SLC19A1: variants seen among roughly 807,000 people sequenced by gnomAD.
SLC19A1 encodes solute carrier family 19 member 1.
In SLC19A1, 37 loss-of-function variants were observed where a neutral mutation model predicts 35.3. That is an observed-to-expected ratio of 1.05 (90% CI 0.81 to 1.38). The LOEUF (loss-of-function observed/expected upper bound fraction) is 1.38, where lower values mean the gene tolerates loss of function less well. Among genes scored for constraint, SLC19A1 ranks in the 40% most tolerant of loss-of-function variants. The pLI, the probability that SLC19A1 is intolerant of heterozygous loss-of-function variation, is 0.00. For missense variants in SLC19A1, 831 were observed against 826.9 expected (o/e 1.00, Z -0.06); for synonymous variants, 460 against 398.5 (o/e 1.15, Z -1.84).
chr21:45,509,216 A>C, downstream of SLC19A1: 1 of 1,157,168 alleles, frequency 8.6e-7, no homozygotes, highest in Non-Finnish European at 1.2e-6. Context: ...CCCCCAGGGC[A>C]GCCCCAGAGT....
intron 1 of SLC19A1, among the ~76,000 whole-genome samples, chr21:45,562,394 C>T (rs1279211648): frequency 6.6e-6 from 1 of 152,176 alleles, no homozygotes; most frequent in Non-Finnish European, 1.5e-5. Context: ...TTCAAAAGGC[C>T]AGTTCTGAAA....
downstream of SLC19A1, chr21:45,509,252 G>A (rs557060515): frequency 4.1e-6 from 6 of 1,474,208 alleles, no homozygotes; most frequent in African/African-American, 7.0e-5. Context: ...CTGCTTGCCA[G>A]TTCAGAGCCC....
At chr21:45,553,181 T>C (rs1225818118) in intron 1 of SLC19A1, among the ~76,000 whole-genome samples, 1 of 152,118 alleles carries the variant, frequency 6.6e-6, no homozygotes, top group Non-Finnish European at 1.5e-5. Context: ...AAGCAGAGGC[T>C]GGGGCTGGGT....
chr21:45,519,402 C>T (rs372622585), intron 5 of SLC19A1, among the ~76,000 whole-genome samples: 11 of 151,914 alleles, frequency 7.2e-5, no homozygotes, highest in Non-Finnish European at 8.8e-5. Flanking sequence ...TTAGCAAAGT[C>T]GATTTAAAAA....
At chr21:45,528,452 G>A (rs1046054769) in intron 4 of SLC19A1, among the ~76,000 whole-genome samples, 1 of 152,098 alleles carries the variant, frequency 6.6e-6, no homozygotes, top group Non-Finnish European at 1.5e-5. Context: ...CAGGCCGGCC[G>A]GCCTCACTCT....
downstream of SLC19A1, among the ~76,000 whole-genome samples, chr21:45,509,108 G>C (rs773193507): frequency 1.3e-5 from 2 of 152,120 alleles, no homozygotes; most frequent in African/African-American, 4.8e-5. Context: ...TGATTGCTGC[G>C]GCTTCTGAGC....
rs1265729062 is a variant in SLC19A1 at position 45,531,934 on chromosome 21, G to A, written c.404C>T (p.Ala135Val). The A allele has an allele frequency of 1.2e-6, 2 of 1,600,710 alleles. No homozygotes were observed. The highest frequency in any genetic ancestry group is 1.3e-5 in the African/African-American group (1 of 74,740). Residue 135 changes from alanine (A) to valine (V), a missense_variant, in exon 3 of 6, where the codon GCC (alanine) becomes GTC (valine). Ala to Val is a moderately conservative substitution (Grantham distance 64). Coordinates refer to ENST00000311124, the MANE Select transcript of SLC19A1 (RefSeq NM_194255.4). The part of the protein sequence containing the change: ...FYSVTMAARI[A>V]YSSYIFSLVR... ...GAGAGAGAAGATGTAGGAGGAATAGGCGATGCGCGCGGCCATGGTGACGCT... is the reference window on the plus strand; with the variant it reads ...GAGAGAGAAGATGTAGGAGGAATAGACGATGCGCGCGGCCATGGTGACGCT...
At chr21:45,523,443 C>CACCAGG (rs1045415845) in intron 5 of SLC19A1, among the ~76,000 whole-genome samples, 4 of 152,224 alleles carry the variant, frequency 2.6e-5, no homozygotes, top group South Asian at 2.1e-4. Flanking sequence ...TCCACGGCCA[C>CACCAGG]ACCAGGACCA....
At chr21:45,527,814 G>A (rs1037909639) in intron 4 of SLC19A1, among the ~76,000 whole-genome samples, 7 of 151,824 alleles carry the variant, frequency 4.6e-5, no homozygotes, top group African/African-American at 1.7e-4. Flanking sequence ...GGTGAGCGGT[G>A]GCATGAACAT....
At chr21:45,549,728 T>G (rs1415992801) in intron 1 of SLC19A1, among the ~76,000 whole-genome samples, 6 of 31,238 alleles carry the variant, frequency 1.9e-4, no homozygotes, top group East Asian at 1.3e-3. Context: ...GGGGGATAGG[T>G]GGTGGGGGAG....
intron 3 of SLC19A1, 46 bp downstream of exon 3, chr21:45,531,343 G>A (rs1429758623): frequency 3.9e-6 from 6 of 1,537,226 alleles, no homozygotes; most frequent in Non-Finnish European, 5.3e-6. Flanking sequence ...GGAGGTGGAC[G>A]GGAAGCCTCT....
chr21:45,537,966 C>T lies in SLC19A1; in HGVS notation c.-7G>A. 1.3e-6 allele frequency: 2 copies of T among 1,548,556 alleles called. No homozygotes were observed. The highest frequency in any genetic ancestry group is 1.7e-6 in the Non-Finnish European group (2 of 1,149,932). ...CTGGGCTGGAGGGCACCATCCTGCT[C>T]AGGCCACGTGCAGCTCCGGAGGGGA... On this transcript the variant is annotated 5_prime_UTR_variant, in exon 2 of 6. Coordinates refer to ENST00000311124, the MANE Select transcript of SLC19A1 (RefSeq NM_194255.4).
intron 5 of SLC19A1, among the ~76,000 whole-genome samples, chr21:45,519,092 C>T (rs927909145): frequency 3.6e-5 from 5 of 137,070 alleles, no homozygotes; most frequent in South Asian, 2.4e-4. Context: ...GTACTGTAAG[C>T]GGGAGATGAC....
intron 1 of SLC19A1, among the ~76,000 whole-genome samples, chr21:45,539,271 C>A (rs1276733123): frequency 6.6e-6 from 1 of 152,246 alleles, no homozygotes; most frequent in Admixed American, 6.5e-5. Context: ...TCCCGGAGGC[C>A]AGGCCTGGCA....
chr21:45,552,517 G>C (rs1485932655), intron 1 of SLC19A1, among the ~76,000 whole-genome samples: 1 of 152,160 alleles, frequency 6.6e-6, no homozygotes, highest in Non-Finnish European at 1.5e-5. Flanking sequence ...CGAATGTGCA[G>C]AGACCCCGGG....
At chr21:45,509,265 C>T (rs956955537), downstream of SLC19A1, 2 of 1,506,946 alleles carry the variant, frequency 1.3e-6, no homozygotes, top group East Asian at 2.5e-5. Flanking sequence ...CAGAGCCCAG[C>T]CCCTCTCACC....
chr21:45,546,886 C>T (rs966502101), upstream of SLC19A1, among the ~76,000 whole-genome samples: 2 of 152,180 alleles, frequency 1.3e-5, no homozygotes, highest in East Asian at 1.9e-4. Flanking sequence ...TGGTTGCAAG[C>T]AAGCTATCCG....
At chr21:45,550,441 C>T (rs912268287) in intron 1 of SLC19A1, among the ~76,000 whole-genome samples, 1 of 152,214 alleles carries the variant, frequency 6.6e-6, no homozygotes, top group Non-Finnish European at 1.5e-5. Flanking sequence ...CACAAGTGAA[C>T]GTTTCCACGT....
At chr21:45,555,665 G>A (rs1356281649) in intron 1 of SLC19A1, among the ~76,000 whole-genome samples, 3 of 151,930 alleles carry the variant, frequency 2.0e-5, no homozygotes, top group Non-Finnish European at 4.4e-5. Flanking sequence ...GGCGGCCCGC[G>A]TGGGGAGTGC....
Sources: allele counts gnomAD v4.1 joint callset (sites outside exome capture counted in the v4.1 genomes callset), GRCh38; gene constraint gnomAD v4.1.1; transcripts MANE v1.5; gene names NCBI Gene and HGNC (gene_info 2026-07-23, HGNC 2026-07-21).